Variants in REEP1 observed in about 807,000 individuals in gnomAD.
REEP1 encodes receptor expression-enhancing protein 1.
Under a neutral mutation model 40.3 loss-of-function variants are expected in REEP1, and 22 were observed. The observed-to-expected ratio is 0.55, with a 90% CI of 0.39 to 0.78. The LOEUF (loss-of-function observed/expected upper bound fraction) is 0.78. Ranked by LOEUF, REEP1 falls within the 30% of genes least tolerant of loss-of-function variation. The pLI is 0.00. For missense variants in REEP1, 280 were observed against 361.1 expected, an observed-to-expected ratio of 0.78 and a Z score of 1.82; for synonymous variants, 116 against 139.2, an observed-to-expected ratio of 0.83 and a Z score of 1.17.
chr2:86,302,624 T>C (rs1297639855), intron 1 of REEP1, among the ~76,000 whole-genome samples: 2 of 152,092 alleles, frequency 1.3e-5, no homozygotes, highest in African/African-American at 2.4e-5. Flanking sequence ...CATCCAACAA[T>C]AAAGAAAGAA....
chr2:86,268,542 A>G (rs1233247280), intron 2 of REEP1, among the ~76,000 whole-genome samples: 1 of 152,186 alleles, frequency 6.6e-6, no homozygotes, highest in Non-Finnish European at 1.5e-5. Context: ...TATTGTCAAG[A>G]TGTCAGCTCT....
At chr2:86,262,870 G>A (rs141319019) in intron 3 of REEP1, among the ~76,000 whole-genome samples, 3 of 152,274 alleles carry the variant, frequency 2.0e-5, no homozygotes, top group East Asian at 1.9e-4. Context: ...AACAGAAATC[G>A]ATATATTATT....
At chr2:86,302,375 C>T (rs907686275) in intron 1 of REEP1, among the ~76,000 whole-genome samples, 2 of 152,210 alleles carry the variant, frequency 1.3e-5, no homozygotes, top group South Asian at 2.1e-4. Flanking sequence ...TTTTTTGCTT[C>T]TATCTCTTTA....
At chr2:86,219,256 G>A (rs759781272) in intron 8 of REEP1, among the ~76,000 whole-genome samples, 1 of 152,154 alleles carries the variant, frequency 6.6e-6, no homozygotes, top group African/African-American at 2.4e-5. Context: ...GAGATACAGC[G>A]ATGAACAAGC....
intron 5 of REEP1, chr2:86,251,709 C>T (rs963269896): frequency 8.0e-5 from 44 of 548,164 alleles, no homozygotes; most frequent in South Asian, 3.9e-4. Context: ...TAACCTGGGA[C>T]GCACAGATGA....
intron 1 of REEP1, among the ~76,000 whole-genome samples, chr2:86,290,308 T>C (rs1678627726): frequency 6.6e-6 from 1 of 152,154 alleles, no homozygotes; most frequent in South Asian, 2.1e-4. Flanking sequence ...ACTCCAAGAA[T>C]GTGAAGGAAT....
intron 7 of REEP1, among the ~76,000 whole-genome samples, chr2:86,226,146 A>G (rs1272047902): frequency 7.1e-6 from 1 of 141,026 alleles, no homozygotes; most frequent in East Asian, 2.2e-4. Flanking sequence ...CACCATCATC[A>G]TCATCATCAT....
At chr2:86,295,425 T>C (rs1203616288) in intron 1 of REEP1, among the ~76,000 whole-genome samples, 1 of 152,242 alleles carries the variant, frequency 6.6e-6, no homozygotes, top group African/African-American at 2.4e-5. Context: ...CAATTTTTTA[T>C]GTTTGATGCT....
chr2:86,303,170 G>A (rs1679328446), intron 1 of REEP1, among the ~76,000 whole-genome samples: 1 of 150,774 alleles, frequency 6.6e-6, no homozygotes. Flanking sequence ...AGCCTCCTGA[G>A]TAGCTAGGAC....
rs1212494055 is a variant in REEP1 at position 86,226,456 on chromosome 2, GCTTTTTCTTTT to G, written c.631+896_631+906del. On this transcript the variant is annotated intron_variant, in intron 7 of 8. Coordinates refer to ENST00000538924, the MANE Select transcript of REEP1 (RefSeq NM_001371279.1). ...CACAAGGAAGTATGACCCTGTTGTGGCTTTTTCTTTTCTTTTTTTTTTTTTTTTTTTGAGAC... is the reference window on the plus strand; with the variant it reads ...CACAAGGAAGTATGACCCTGTTGTGGCTTTTTTTTTTTTTTTTTTTGAGAC... Among the ~76,000 whole-genome samples the G allele has an allele frequency of 2.9e-3, 149 of 51,922 alleles. 5 individuals carry two copies. The East Asian group carries it at 0.042, about 15-fold the overall frequency. The allele number at this position is 51,922 out of a possible 152,430, so 34.1% of individuals were successfully genotyped here. A position where few individuals can be genotyped will look rare whatever the true frequency, so the allele number is the denominator to read the frequency against.
chr2:86,285,922 G>A (rs1223535466), intron 1 of REEP1, among the ~76,000 whole-genome samples: 1 of 152,136 alleles, frequency 6.6e-6, no homozygotes, highest in African/African-American at 2.4e-5. Flanking sequence ...GAGGGAAGAT[G>A]GAAGGCTGGA....
rs1558889637 is a variant in REEP1 at position 86,251,983 on chromosome 2, T to C, written c.391A>G (p.Thr131Ala). ...TTGGAAGCAGCCATCACAGCCGCTG[T>C]GGCGGCCACGTTCAAGCCCCGCTTC... ...FGKRGLNVAA[T>A]AAVMAASKGQ... Residue 131 changes from threonine (T) to alanine (A), a missense_variant, in exon 5 of 9, where the codon ACA (threonine) becomes GCA (alanine). Thr to Ala is a moderately conservative substitution (Grantham distance 58). Coordinates refer to ENST00000538924, the MANE Select transcript of REEP1 (RefSeq NM_001371279.1). 2 of 1,613,762 alleles carry C rather than the reference T, an allele frequency of 1.2e-6. No individual in the cohort carries two copies. Among genetic ancestry groups the C allele is most frequent in the African/African-American group, 1.3e-5 (1 of 74,928 alleles).
chr2:86,285,365 A>T (rs1457852983), intron 1 of REEP1, among the ~76,000 whole-genome samples: 1 of 152,202 alleles, frequency 6.6e-6, no homozygotes, highest in African/African-American at 2.4e-5. Context: ...TCTTGATACT[A>T]TTTAAGCCTG....
chr2:86,262,005 T>C (rs1366080032), intron 3 of REEP1, among the ~76,000 whole-genome samples: 1 of 152,198 alleles, frequency 6.6e-6, no homozygotes, highest in Non-Finnish European at 1.5e-5. Flanking sequence ...AAGACCTTTG[T>C]TCACGTGTTT....
At chr2:86,315,167 G>T (rs944230969) in intron 1 of REEP1, among the ~76,000 whole-genome samples, 5 of 152,168 alleles carry the variant, frequency 3.3e-5, no homozygotes, top group Non-Finnish European at 5.9e-5. Flanking sequence ...GGGATGGTAT[G>T]AACAATCAGG....
Position 86,216,811 on chromosome 2 carries a change from C to T in REEP1, c.*228G>A, listed in dbSNP as rs1674135867. 5.7e-6 allele frequency: 3 copies of T among 525,222 alleles called. No homozygotes were observed. The Admixed American group carries it at 9.5e-5, about 17-fold the overall frequency. The allele number at this position is 525,222 out of a possible 1,614,324, so 32.5% of individuals were successfully genotyped here. A position where few individuals can be genotyped will look rare whatever the true frequency, so the allele number is the denominator to read the frequency against. ...TACCAACCTCAGAAGACTTAAAGGT[C>T]ACCACCCCCGCCCCTACTACCTTTC... On this transcript the variant is annotated 3_prime_UTR_variant, in exon 9 of 9. Coordinates refer to ENST00000538924, the MANE Select transcript of REEP1 (RefSeq NM_001371279.1).
intron 1 of REEP1, among the ~76,000 whole-genome samples, chr2:86,331,613 A>G (rs1680767383): frequency 6.6e-6 from 1 of 152,134 alleles, no homozygotes; most frequent in African/African-American, 2.4e-5. Flanking sequence ...TCTAGGCTGG[A>G]CAGCTACCTA....
At chr2:86,274,472 ACTCATTGAGGCTAACAAG>A (rs1677631243) in intron 2 of REEP1, among the ~76,000 whole-genome samples, 1 of 152,166 alleles carries the variant, frequency 6.6e-6, no homozygotes, top group Non-Finnish European at 1.5e-5. Context: ...TCTGAGAATG[ACTCATTGAGGCTAACAAG>A]GTCAACGGAA....
chr2:86,319,869 G>A (rs1006487559), intron 1 of REEP1, among the ~76,000 whole-genome samples: 1 of 152,186 alleles, frequency 6.6e-6, no homozygotes, highest in East Asian at 1.9e-4. Context: ...AATGGAGGCA[G>A]AGATTAAAGT....
Sources: gnomAD v4.1 joint callset for allele counts (sites outside exome capture counted in the v4.1 genomes callset) on GRCh38, gnomAD v4.1.1 for gene constraint, MANE v1.5 for transcripts, NCBI Gene and HGNC (gene_info 2026-07-23, HGNC 2026-07-21) for gene names.